VPS35: variants seen among roughly 807,000 people sequenced by gnomAD.
VPS35 encodes the protein vacuolar protein sorting-associated protein 35.
Under a neutral mutation model 98.1 loss-of-function variants are expected in VPS35, and 21 were observed. The ratio of observed to expected loss-of-function variants is 0.21; its 90% CI spans 0.15 to 0.31. The LOEUF (loss-of-function observed/expected upper bound fraction) is 0.31. Ranked by LOEUF, VPS35 falls within the 10% of genes least tolerant of loss-of-function variation. VPS35 has a pLI of 1.00. For missense variants in VPS35, 554 were observed against 950.8 expected, an observed-to-expected ratio of 0.58 and a Z score of 5.49; for synonymous variants, 268 against 318.2, an observed-to-expected ratio of 0.84 and a Z score of 1.68.
chr16:46,665,704 T>A (rs1470472513), intron 13 of VPS35, among the ~76,000 whole-genome samples: 2 of 152,188 alleles, frequency 1.3e-5, no homozygotes, highest in African/African-American at 4.8e-5. Flanking sequence ...TTATTTGCCC[T>A]AAATCGTTTT....
At chr16:46,683,077 A>G (rs1375273492) in intron 2 of VPS35, 1 of 170,196 alleles carries the variant, frequency 5.9e-6, no homozygotes, top group Non-Finnish European at 1.3e-5. Flanking sequence ...AGATATTTAG[A>G]AAAAAAGCTG....
intron 6 of VPS35, chr16:46,677,823 G>C (rs535519181): frequency 5.2e-6 from 1 of 190,640 alleles, no homozygotes; most frequent in African/African-American, 2.4e-5. Context: ...TTCATGGCTT[G>C]TGCTTGTATA....
In VPS35 at chr16:46,661,225, AATT is replaced by A. The variant is rs748277672; in HGVS notation, c.2211+490_2211+492del. ...TTGCTAAAAGGATACTGCGTTTAGGAATTATTATTATTATTATTTTTGAGACGG... is the reference window on the plus strand; with the variant it reads ...TTGCTAAAAGGATACTGCGTTTAGGAATTATTATTATTATTTTTGAGACGG... On this transcript the variant is annotated intron_variant, in intron 16 of 16. Transcript: ENST00000299138. This position sits in a 1 kb window ranked among gnomAD's most constrained non-coding sequence, Gnocchi z 4.3. Among the ~76,000 whole-genome samples the A allele has an allele frequency of 4.6e-5, 7 of 152,132 alleles. No homozygotes were observed. Among genetic ancestry groups the A allele is most frequent in the Middle Eastern group, 6.8e-3 (2 of 294 alleles).
intron 2 of VPS35, 37 bp downstream of exon 2, chr16:46,683,471 C>G (rs1396203307): frequency 6.3e-7 from 1 of 1,587,932 alleles, no homozygotes; most frequent in African/African-American, 1.3e-5. Context: ...TAGGAACACA[C>G]GAACTGCAAC....
chr16:46,677,055 A>C lies in VPS35; in HGVS notation c.804+260T>G, dbSNP rs1195914110. 2.0e-5 allele frequency among the ~76,000 whole-genome samples: 3 copies of C among 151,980 alleles called. No homozygotes were observed. The East Asian group carries it at 5.8e-4, about 29-fold the overall frequency. ...TTACATGAAAAAAAAAAGAAACACTAAAAAAATTTTTTTAATTTTTTATAG... is the reference window on the plus strand; with the variant it reads ...TTACATGAAAAAAAAAAGAAACACTCAAAAAATTTTTTTAATTTTTTATAG... On this transcript the variant is annotated intron_variant, in intron 7 of 16. Transcript: ENST00000299138.
chr16:46,682,421 TG>T (rs1411840832), intron 2 of VPS35: 6 of 446,464 alleles, frequency 1.3e-5, no homozygotes, highest in African/African-American at 1.2e-4. Flanking sequence ...CTTGATAGAA[TG>T]CTAATCTTTT....
chr16:46,677,669 G>T (rs1966171826), intron 6 of VPS35: 1 of 432,600 alleles, frequency 2.3e-6, no homozygotes, highest in Non-Finnish European at 4.3e-6. Flanking sequence ...CCTGAGTGCT[G>T]GGACTACAGG....
intron 1 of VPS35, among the ~76,000 whole-genome samples, chr16:46,686,894 G>A (rs1042573798): frequency 1.9e-4 from 29 of 152,190 alleles, no homozygotes; most frequent in Non-Finnish European, 3.7e-4. Flanking sequence ...CAAGTCTACA[G>A]TTCTAATGTG....
In VPS35 at chr16:46,660,573, C is replaced by G; in HGVS notation, c.2290G>C (p.Glu764Gln). ...TTATGAAAATGTTTGTTAATCTGCT[C>G]TGTTTCTTCACTGGATTCAAGATTC... ...LPNLESSEET[E>Q]QINKHFHNTL... The change falls in exon 17 of 17, where the codon GAG becomes CAG. Residue 764 changes from glutamate (E) to glutamine (Q), a missense_variant. Around this residue, in one of 5 missense-constraint regions of VPS35, gnomAD observed 153 missense variants for 211.0 expected, o/e 0.73. Coordinates refer to ENST00000299138, the MANE Select transcript of VPS35 (RefSeq NM_018206.6). The G allele has an allele frequency of 6.2e-7, 1 of 1,614,112 alleles. No individual in the cohort carries two copies. Among genetic ancestry groups the G allele is most frequent in the African/African-American group, 1.3e-5 (1 of 75,016 alleles).
intron 13 of VPS35, among the ~76,000 whole-genome samples, chr16:46,663,733 G>A (rs986559872): frequency 1.4e-5 from 2 of 144,214 alleles, no homozygotes. Flanking sequence ...CAACAGCTCT[G>A]TTACCCAGCT....
chr16:46,669,371 G>T (rs115015421), intron 12 of VPS35, among the ~76,000 whole-genome samples: 6 of 152,050 alleles, frequency 3.9e-5, no homozygotes, highest in Non-Finnish European at 5.9e-5. Context: ...CACTGATAAA[G>T]AATGTAGGCT....
chr16:46,675,069 A>T (rs1966127000), intron 8 of VPS35, among the ~76,000 whole-genome samples: 1 of 132,322 alleles, frequency 7.6e-6, no homozygotes, highest in Admixed American at 7.2e-5. Context: ...GGGAATACAG[A>T]TGTGAGCCAC....
At chr16:46,669,222 C>T (rs1966033516) in intron 12 of VPS35, 170 bp from the exon 13 acceptor site, 2 of 821,440 alleles carry the variant, frequency 2.4e-6, no homozygotes, top group African/African-American at 1.7e-5. Context: ...GTCACAACAA[C>T]CCAGAGACAG....
At chr16:46,669,133 A>G in intron 12 of VPS35, 81 bp from the exon 13 acceptor site, 1 of 1,547,628 alleles carries the variant, frequency 6.5e-7, no homozygotes, top group Non-Finnish European at 8.9e-7. Context: ...TCTAATCATC[A>G]TTGCTAACAT....
At chr16:46,660,838 A>AAAC in intron 16 of VPS35, 187 bp from the exon 17 acceptor site, 1 of 676,372 alleles carries the variant, frequency 1.5e-6, no homozygotes, top group South Asian at 1.6e-5. Context: ...AAAAAAAAAA[A>AAAC]ACAACCCTTT....
intron 10 of VPS35, among the ~76,000 whole-genome samples, chr16:46,674,085 A>C (rs1398322220): frequency 6.6e-6 from 1 of 152,170 alleles, no homozygotes; most frequent in Admixed American, 6.5e-5. Flanking sequence ...CAAATTGGAG[A>C]CACTGGTCCC....
rs1966156063 is a variant in VPS35 at position 46,676,580 on chromosome 16, T to C, written c.914+3A>G. 6.4e-7 allele frequency: 1 copy of C among 1,574,270 alleles called. No homozygotes were observed. Among genetic ancestry groups the C allele is most frequent in the Non-Finnish European group, 8.7e-7 (1 of 1,145,360 alleles). ...TTTATCCGCCAGTGTTGGAAGGTCT[T>C]ACCTATCAATTAAAGCAATGATTAT... On this transcript the variant is annotated splice_donor_region_variant and intron_variant, in intron 8 of 16. Coordinates refer to ENST00000299138, the MANE Select transcript of VPS35 (RefSeq NM_018206.6).
intron 16 of VPS35, 130 bp from the exon 17 acceptor site, chr16:46,660,781 A>G (rs1374997029): frequency 2.0e-6 from 1 of 487,846 alleles, no homozygotes; most frequent in Non-Finnish European, 3.8e-6. Flanking sequence ...AAAAAGAAAG[A>G]TGGGGATACA....
intron 15 of VPS35, 37 bp downstream of exon 15, chr16:46,662,206 A>G (rs1441396362): frequency 6.2e-7 from 1 of 1,613,778 alleles, no homozygotes; most frequent in Non-Finnish European, 8.5e-7. Context: ...CCTGTTATGG[A>G]TCCTGTCTGC....
Sources: gnomAD v4.1 joint callset for allele counts (sites outside exome capture counted in the v4.1 genomes callset) on GRCh38, gnomAD v4.1.1 for gene constraint, gnomAD v4.1.1 regional missense constraint, Gnocchi (gnomAD v3.1) non-coding constraint, MANE v1.5 for transcripts, NCBI Gene and HGNC (gene_info 2026-07-23, HGNC 2026-07-21) for gene names.